DPYSL5: variants seen among roughly 807,000 people sequenced by gnomAD.
DPYSL5 encodes dihydropyrimidinase-related protein 5.
DPYSL5 carries 9 observed loss-of-function variants against 58.4 expected under a neutral mutation model. That is an observed-to-expected ratio of 0.15 (90% CI 0.09 to 0.27). The LOEUF (loss-of-function observed/expected upper bound fraction) is 0.27. Among genes scored for constraint, DPYSL5 ranks in the 10% least tolerant of loss-of-function variants. DPYSL5 has a pLI of 1.00. For missense variants in DPYSL5, 499 were observed against 770.6 expected (o/e 0.65, Z 4.17); for synonymous variants, 293 against 301.9 (o/e 0.97, Z 0.31).
In DPYSL5 at chr2:26,949,975, A is replaced by G. The variant is rs1558361355; in HGVS notation, c.*2980A>G. 1.3e-5 allele frequency: 2 copies of G among 152,792 alleles called. No individual in the cohort carries two copies. 9.5% of individuals were successfully genotyped at this position (152,792 alleles called of 1,614,324 possible). ...GCTGCTCTCTAGGTTTGTGGGGTTA[A>G]GTTGCCAGAAAATTGTGCTACTGTG... On this transcript the variant is annotated 3_prime_UTR_variant, in exon 13 of 13. Coordinates refer to ENST00000288699, the MANE Select transcript of DPYSL5 (RefSeq NM_020134.4).
intron 1 of DPYSL5, among the ~76,000 whole-genome samples, chr2:26,882,852 G>T (rs997411121): frequency 2.7e-5 from 4 of 150,792 alleles, no homozygotes; most frequent in Admixed American, 2.6e-4. Flanking sequence ...GGCAGAGGTT[G>T]CAGTGAGCCG....
chr2:26,907,249 G>A (rs765495400), intron 2 of DPYSL5, among the ~76,000 whole-genome samples: 10 of 151,930 alleles, frequency 6.6e-5, no homozygotes, highest in Non-Finnish European at 1.5e-4. Flanking sequence ...CAAGTAACTG[G>A]GAATACAGGC....
intron 1 of DPYSL5, among the ~76,000 whole-genome samples, chr2:26,882,413 TTGTGTGTGTGTGTGTCTGTGTGTG>T (rs1355239518): frequency 2.9e-5 from 4 of 138,660 alleles, no homozygotes; most frequent in African/African-American, 2.7e-5. Flanking sequence ...GCCCAGCTTA[TTGTGTGTGTGTGTGTCTGTGTGTG>T]TGTGTGTGTG....
intron 5 of DPYSL5, among the ~76,000 whole-genome samples, chr2:26,931,203 G>GTGTGTGTGTGTGTGTA (rs1474347605): frequency 2.2e-5 from 1 of 44,934 alleles, no homozygotes; most frequent in South Asian, 1.3e-3. Context: ...GTGTGTGTGT[G>GTGTGTGTGTGTGTGTA]TATATATATA....
rs1287075956 is a variant in DPYSL5 at position 26,931,199 on chromosome 2, G to GTA, written c.670-440_670-439insAT. Reference sequence around the variant, plus strand: ...TGTGTGTGTGTGTGTGTGTGTGTGTGTGTGTATATATATATATATATATAT... The same window carrying GTA: ...TGTGTGTGTGTGTGTGTGTGTGTGTGTATGTGTATATATATATATATATATAT... On this transcript the variant is annotated intron_variant, in intron 5 of 12. Coordinates refer to ENST00000288699, the MANE Select transcript of DPYSL5 (RefSeq NM_020134.4). Among the ~76,000 whole-genome samples, 336 of 52,838 alleles carry GTA rather than the reference G, an allele frequency of 6.4e-3. 5 individuals carry two copies. The highest frequency in any genetic ancestry group is 0.019 in the African/African-American group (317 of 16,484). The allele number at this position is 52,838 out of a possible 152,430, so 34.7% of individuals were successfully genotyped here.
At position 26,933,240 on chromosome 2, in the gene DPYSL5, ACT is replaced by A. The variant is rs1228071373; in HGVS notation, c.715-17_715-16del. ...TATGGGTCAACCCTCCCTACTTCCC[ACT>A]GTTTCTTGTGTTTAGACTCACTGTC... On this transcript the variant is annotated splice_polypyrimidine_tract_variant and intron_variant, in intron 6 of 12. Coordinates refer to ENST00000288699, the MANE Select transcript of DPYSL5 (RefSeq NM_020134.4). This position sits in a 1 kb window ranked among gnomAD's most constrained non-coding sequence, Gnocchi z 4.2. The A allele has an allele frequency of 6.2e-7, 1 of 1,612,940 alleles. No homozygotes were observed. Among genetic ancestry groups the A allele is most frequent in the Non-Finnish European group, 8.5e-7 (1 of 1,179,040 alleles).
intron 1 of DPYSL5, among the ~76,000 whole-genome samples, chr2:26,854,882 G>A (rs1001535613): frequency 4.6e-5 from 7 of 151,450 alleles, no homozygotes; most frequent in Admixed American, 2.6e-4. Context: ...TCAGTGGTGC[G>A]ATCTCTGCTC....
intron 2 of DPYSL5, among the ~76,000 whole-genome samples, chr2:26,907,402 C>T (rs1237887211): frequency 6.6e-6 from 1 of 152,224 alleles, no homozygotes; most frequent in Non-Finnish European, 1.5e-5. Context: ...GCATGAGCTA[C>T]TGCGCCCAGC....
intron 2 of DPYSL5, among the ~76,000 whole-genome samples, chr2:26,908,541 G>A (rs1374700860): frequency 1.3e-5 from 2 of 152,208 alleles, no homozygotes; most frequent in East Asian, 1.9e-4. Context: ...TGTGAATGAG[G>A]AGATCTATCG....
intron 6 of DPYSL5, among the ~76,000 whole-genome samples, chr2:26,932,173 A>AAG (rs1197619184): frequency 1.4e-5 from 1 of 72,062 alleles, no homozygotes; most frequent in Non-Finnish European, 3.0e-5. Context: ...GAAAGAAAGA[A>AAG]AGAAAGAAAG....
At chr2:26,937,250 T>G (rs1287601220) in intron 8 of DPYSL5, among the ~76,000 whole-genome samples, 2 of 152,130 alleles carry the variant, frequency 1.3e-5, no homozygotes, top group African/African-American at 2.4e-5. Context: ...TGTATTTTAA[T>G]TATTTAAATT....
chr2:26,943,915 A>G (rs1419969348), intron 11 of DPYSL5, among the ~76,000 whole-genome samples: 1 of 152,166 alleles, frequency 6.6e-6, no homozygotes, highest in Non-Finnish European at 1.5e-5. Context: ...GTTCCCTCAG[A>G]GTTGTCAGAC....
chr2:26,924,960 C>G lies in DPYSL5; in HGVS notation c.335C>G (p.Ala112Gly), dbSNP rs1369379114. Residue 112 changes from alanine to glycine, a missense_variant, in exon 3 of 13, where the codon GCT becomes GGT. Coordinates refer to ENST00000288699, the MANE Select transcript of DPYSL5 (RefSeq NM_020134.4). This position sits in a 1 kb window ranked among gnomAD's most constrained non-coding sequence, Gnocchi z 4.7. ...GACAAGGAGACCTCCCTTGTGGACGCTTATGAGAAGTGCCGAGGTCTGGCC... is the reference window on the plus strand; with the variant it reads ...GACAAGGAGACCTCCCTTGTGGACGGTTATGAGAAGTGCCGAGGTCTGGCC... ...LPDKETSLVD[A>G]YEKCRGLADP... is the part of the protein sequence containing the mutation. 1 of 1,614,178 alleles carries G rather than the reference C, an allele frequency of 6.2e-7. No homozygotes were observed.
At chr2:26,901,920 T>C (rs1664169687) in intron 2 of DPYSL5, among the ~76,000 whole-genome samples, 2 of 151,984 alleles carry the variant, frequency 1.3e-5, no homozygotes, top group Admixed American at 1.3e-4. Flanking sequence ...CTCCAGTACT[T>C]CTTTAGCCCA....
rs1665362046 is a variant in DPYSL5, at chr2:26,942,879, C to T, written c.1440+129C>T. ...CCCAATTCCATTGCACTTTCTCCAG[C>T]GTTGAGAGGGGAGTGTGCGGCAGCG... On this transcript the variant is annotated intron_variant, in intron 11 of 12. Transcript: ENST00000288699. The surrounding 1 kb of genome is among the most constrained non-coding windows in gnomAD (Gnocchi z 5.9). 2.8e-6 allele frequency: 3 copies of T among 1,059,030 alleles called. No homozygotes were observed. The highest frequency in any genetic ancestry group is 4.1e-6 in the Non-Finnish European group (3 of 733,178). The allele number at this position is 1,059,030 out of a possible 1,614,324, so 65.6% of individuals were successfully genotyped here.
chr2:26,905,360 C>G lies in DPYSL5; in HGVS notation c.261+6600C>G, dbSNP rs1418633536. Among the ~76,000 whole-genome samples the G allele has an allele frequency of 2.2e-4, 34 of 152,210 alleles. No individual in the cohort carries two copies. The highest frequency in any genetic ancestry group is 2.2e-3 in the Admixed American group (34 of 15,280). ...GAATACATATACAATAAATGCTAGT[C>G]CCCAGGCTGGGACTACCTGCTTCCA... is the stretch of plus-strand genomic sequence containing the variant. On this transcript the variant is annotated intron_variant, in intron 2 of 12. Coordinates refer to ENST00000288699, the MANE Select transcript of DPYSL5 (RefSeq NM_020134.4). The surrounding 1 kb of genome is among the most constrained non-coding windows in gnomAD (Gnocchi z 4.0).
At position 26,942,744 on chromosome 2, in the gene DPYSL5, A is replaced by G; in HGVS notation, c.1434A>G (p.Arg478=). The G allele has an allele frequency of 6.2e-7, 1 of 1,613,424 alleles. No individual in the cohort carries two copies. The highest frequency in any genetic ancestry group is 8.5e-7 in the Non-Finnish European group (1 of 1,179,510). ...CTGTCTACAAGAAGCTGGTCCAGAGAGAGAAGGTGAGGTGGGAGGAGGAAG... is the reference window on the plus strand; with the variant it reads ...CTGTCTACAAGAAGCTGGTCCAGAGGGAGAAGGTGAGGTGGGAGGAGGAAG... ...PDTVYKKLVQ[R]EKTLKVRGVD... Residue 478 remains arginine (R), a synonymous_variant, in exon 11 of 13, where the codon AGA becomes AGG. Transcript: ENST00000288699. The surrounding 1 kb of genome is among the most constrained non-coding windows in gnomAD (Gnocchi z 5.9).
intron 1 of DPYSL5, among the ~76,000 whole-genome samples, chr2:26,852,862 A>G (rs1665790555): frequency 6.6e-6 from 1 of 152,226 alleles, no homozygotes; most frequent in Admixed American, 6.5e-5. Flanking sequence ...TGAGAGCAGC[A>G]TCTGGCATCT....
chr2:26,921,907 C>T (rs1664714992), intron 2 of DPYSL5, among the ~76,000 whole-genome samples: 1 of 152,158 alleles, frequency 6.6e-6, no homozygotes, highest in Non-Finnish European at 1.5e-5. Flanking sequence ...ACAACCAACA[C>T]GTGGGAAAGT....
Sources: allele counts gnomAD v4.1 joint callset (sites outside exome capture counted in the v4.1 genomes callset), GRCh38; gene constraint gnomAD v4.1.1; non-coding constraint Gnocchi (gnomAD v3.1); transcripts MANE v1.5; gene names NCBI Gene and HGNC (gene_info 2026-07-23, HGNC 2026-07-21).